Variants in ARVCF observed in about 807,000 individuals in gnomAD.
ARVCF encodes the protein ARVCF delta catenin family member, also known as splicing regulator ARVCF.
In ARVCF, 66 loss-of-function variants were observed where a neutral mutation model predicts 90.9. That is an observed-to-expected ratio of 0.73 (90% confidence interval 0.60 to 0.89). The LOEUF (loss-of-function observed/expected upper bound fraction) is 0.89. Among genes scored for constraint, ARVCF ranks in the 40% least tolerant of loss-of-function variants. The pLI is 0.00. For synonymous variants in ARVCF, 653 were observed against 603.4 expected, an observed-to-expected ratio of 1.08 and a Z score of -1.21; for missense variants, 1,469 against 1,382.3, an observed-to-expected ratio of 1.06 and a Z score of -1.00.
chr22:20,013,626 C>G (rs1463691307), intron 1 of ARVCF, among the ~76,000 whole-genome samples: 1 of 152,348 alleles, frequency 6.6e-6, no homozygotes, highest in Non-Finnish European at 1.5e-5. Context: ...CCCCGTTGCT[C>G]TGCCAGAGGC....
intron 2 of ARVCF, among the ~76,000 whole-genome samples, chr22:19,997,559 C>T (rs1284385611): frequency 6.6e-6 from 1 of 152,206 alleles, no homozygotes; most frequent in Non-Finnish European, 1.5e-5. Flanking sequence ...GACCCAGACT[C>T]TAGCTACAGC....
intron 16 of ARVCF, 24 bp from the exon 17 acceptor site, chr22:19,972,435 G>C (rs1372935101): frequency 1.2e-6 from 2 of 1,612,922 alleles, no homozygotes; most frequent in African/African-American, 2.7e-5. Context: ...GGAGGAGACG[G>C]GCTGCATGTG....
Position 19,973,671 on chromosome 22 carries a change from CGA to C in ARVCF, c.2209_2210del (p.Ser737AlafsTer16). 6.2e-7 allele frequency: 1 copy of C among 1,610,094 alleles called. No individual in the cohort carries two copies. The highest frequency in any genetic ancestry group is 8.5e-7 in the Non-Finnish European group (1 of 1,179,448). Reference sequence around the variant, plus strand: ...TGAGGTCTTTGTTGCGCCGGTCCAGCGAGAGGTTGCGCAGAGCGATGGCGACG... The same window carrying C: ...TGAGGTCTTTGTTGCGCCGGTCCAGCGAGGTTGCGCAGAGCGATGGCGACG... ...RAVAIALRNLSLDRRNKDLIG... is the reference protein window; with the variant it reads ...RAVAIALRNLXLDRRNKDLIG... On this transcript the variant is annotated frameshift_variant, in exon 13 of 20. Coordinates refer to ENST00000263207, the MANE Select transcript of ARVCF (RefSeq NM_001670.3). LOFTEE classifies it high-confidence loss of function.
chr22:19,972,494 G>A, intron 16 of ARVCF, 83 bp from the exon 17 acceptor site: 5 of 1,549,332 alleles, frequency 3.2e-6, no homozygotes, highest in Non-Finnish European at 4.4e-6. Context: ...GCTGGCCCAG[G>A]TAGCCCTAGA....
intron 1 of ARVCF, among the ~76,000 whole-genome samples, chr22:20,013,182 C>T (rs944414837): frequency 6.6e-6 from 1 of 152,248 alleles, no homozygotes; most frequent in Admixed American, 6.5e-5. Context: ...ACAGCAAAAC[C>T]GAGTGTTCTC....
At chr22:19,973,069 C>CCG in intron 14 of ARVCF, 33 bp from the exon 15 acceptor site, 1 of 1,607,922 alleles carries the variant, frequency 6.2e-7, no homozygotes, top group Non-Finnish European at 8.5e-7. Flanking sequence ...AGTGGTGGCC[C>CCG]CTCCCCCACC....
intron 2 of ARVCF, among the ~76,000 whole-genome samples, chr22:19,997,606 G>C (rs377509310): frequency 6.6e-6 from 1 of 152,212 alleles, no homozygotes; most frequent in Admixed American, 6.5e-5. Flanking sequence ...CCAAGCCGTG[G>C]AGTAGTGGCA....
chr22:19,991,015 T>C (rs2146382481), intron 2 of ARVCF, among the ~76,000 whole-genome samples: 1 of 152,372 alleles, frequency 6.6e-6, no homozygotes, highest in South Asian at 2.1e-4. Context: ...TCACTCCCCA[T>C]GGGTTTTGGG....
downstream of ARVCF, chr22:19,968,604 C>T: frequency 1.9e-6 from 3 of 1,614,106 alleles, no homozygotes; most frequent in South Asian, 3.3e-5. Context: ...GTGCGCCAGA[C>T]TTCCTAGCAC....
At chr22:20,011,910 G>A (rs1054286356) in intron 1 of ARVCF, among the ~76,000 whole-genome samples, 9 of 151,806 alleles carry the variant, frequency 5.9e-5, no homozygotes, top group South Asian at 2.1e-4. Context: ...GAGTCACCAT[G>A]TGCCACAGAA....
chr22:19,988,561 T>C (rs1410355020), intron 3 of ARVCF, among the ~76,000 whole-genome samples: 1 of 152,186 alleles, frequency 6.6e-6, no homozygotes, highest in East Asian at 1.9e-4. Context: ...GAAGGGCAGG[T>C]AGCCAGGACC....
At chr22:20,013,831 C>T (rs1281937148) in intron 1 of ARVCF, among the ~76,000 whole-genome samples, 2 of 152,168 alleles carry the variant, frequency 1.3e-5, no homozygotes, top group African/African-American at 2.4e-5. Context: ...CAGAGTGACC[C>T]AAGACTTCAT....
Position 19,973,803 on chromosome 22 carries a change from C to A in ARVCF, c.2089-10G>T. On this transcript the variant is annotated splice_polypyrimidine_tract_variant and intron_variant, in intron 12 of 19. Transcript: ENST00000263207. ...GGATGTACGTGGCCCACTGCGGAGG[C>A]GGGGAGAGGGTTGCTCAGACATACA... 6.3e-7 allele frequency: 1 copy of A among 1,599,772 alleles called. No homozygotes were observed. Among genetic ancestry groups the A allele is most frequent in the East Asian group, 2.2e-5 (1 of 44,758 alleles).
intron 10 of ARVCF, 71 bp from the exon 11 acceptor site, chr22:19,975,828 A>G: frequency 6.6e-7 from 1 of 1,525,334 alleles, no homozygotes; most frequent in East Asian, 2.3e-5. Flanking sequence ...AGAGTTGGGC[A>G]CAGTTCTCTC....
chr22:19,972,028 C>A, intron 17 of ARVCF, 57 bp from the exon 18 acceptor site: 2 of 1,467,882 alleles, frequency 1.4e-6, no homozygotes, highest in South Asian at 2.5e-5. Context: ...CCTGTAGGAG[C>A]AGATCTCCCT....
chr22:19,987,218 G>A (rs928337709), intron 3 of ARVCF: 1 of 377,704 alleles, frequency 2.6e-6, no homozygotes, highest in Non-Finnish European at 4.7e-6. Flanking sequence ...GGGCGGATCT[G>A]GCGGCGGTCA....
rs201082086 is a variant in ARVCF at position 19,979,807 on chromosome 22, A to G, written c.1332T>C (p.Gly444=). Residue 444 remains glycine (G), a synonymous_variant, in exon 6 of 20, where the codon GGT becomes GGC. Transcript: ENST00000263207. ...DNKAAIRDCG[G]VPALVRLLRA... is the part of the protein sequence containing the mutation. Reference sequence around the variant, plus strand: ...TCAGCAGGCGCACCAGGGCAGGCACACCACCGCAGTCCCGGATGGCGGCCT... The same window carrying G: ...TCAGCAGGCGCACCAGGGCAGGCACGCCACCGCAGTCCCGGATGGCGGCCT... 198 of 1,609,244 alleles carry G rather than the reference A, an allele frequency of 1.2e-4. 1 individual carries two copies. In the East Asian group the frequency reaches 4.1e-3, roughly 34 times the overall value.
intron 1 of ARVCF, among the ~76,000 whole-genome samples, chr22:20,015,568 G>A (rs1254052792): frequency 1.4e-4 from 22 of 152,204 alleles, no homozygotes; most frequent in Admixed American, 1.4e-3. Context: ...AGTAAAGGCA[G>A]ATAAGGCAGT....
intron 1 of ARVCF, among the ~76,000 whole-genome samples, chr22:20,012,738 T>C (rs1944881979): frequency 6.6e-6 from 1 of 152,276 alleles, no homozygotes; most frequent in African/African-American, 2.4e-5. Flanking sequence ...ACCCCACTGA[T>C]GCCCTAGTAA....
Sources: gnomAD v4.1 joint callset for allele counts (sites outside exome capture counted in the v4.1 genomes callset) on GRCh38, gnomAD v4.1.1 for gene constraint, MANE v1.5 for transcripts, NCBI Gene and HGNC (gene_info 2026-07-23, HGNC 2026-07-21) for gene names.